The following DNAH1 variants were observed in gnomAD, a reference collection of about 807,000 sequenced individuals.
DNAH1 encodes axonemal beta dynein heavy chain 1.
A neutral mutation model predicts 484.3 loss-of-function variants in DNAH1; 327 were observed. That is an observed-to-expected ratio of 0.68 (90% CI 0.62 to 0.74). The LOEUF is 0.74. Ranked by LOEUF, DNAH1 falls within the 30% of genes least tolerant of loss-of-function variation. The pLI is 0.00. For missense variants in DNAH1, 5,052 were observed against 5,546.8 expected (o/e 0.91, Z 2.83); for synonymous variants, 2,192 against 2,191.9 (o/e 1.00, Z 0.00).
At chr3:52,319,198 C>T (rs1701055932) in intron 1 of DNAH1, among the ~76,000 whole-genome samples, 1 of 152,144 alleles carries the variant, frequency 6.6e-6, no homozygotes, top group Non-Finnish European at 1.5e-5. Flanking sequence ...GTTGGAATAC[C>T]CCTATTCATC....
At chr3:52,351,526 A>G (rs927719503) in intron 16 of DNAH1, among the ~76,000 whole-genome samples, 4 of 152,148 alleles carry the variant, frequency 2.6e-5, no homozygotes, top group Admixed American at 1.3e-4. Context: ...CAGACCCCCT[A>G]TGTCAGCTGG....
intron 8 of DNAH1, among the ~76,000 whole-genome samples, chr3:52,332,799 G>A (rs1206639391): frequency 1.1e-4 from 17 of 152,312 alleles, no homozygotes; most frequent in Admixed American, 1.1e-3. Flanking sequence ...GGCACAGCAA[G>A]AATTTCCAGG....
At position 52,370,527 on chromosome 3, in the gene DNAH1, C is replaced by T. The variant is rs374197928; in HGVS notation, c.6309C>T (p.Ile2103=). ...AGCTGAGTCGCATCGTAGAGTTGAT[C>T]GAGCCCTGGTTCATCTTCTCCCTGA... is the stretch of plus-strand genomic sequence containing the variant. ...SEKLSRIVEL[I]EPWFIFSLIW... is the part of the protein sequence containing the mutation. The change falls in exon 40 of 78, where the codon ATC becomes ATT. Residue 2103 remains isoleucine, a synonymous_variant. Transcript: ENST00000420323. The T allele has an allele frequency of 2.2e-5, 35 of 1,613,864 alleles. 1 individual carries two copies. The highest frequency in any genetic ancestry group is 1.7e-4 in the Admixed American group (10 of 60,002).
In DNAH1 at chr3:52,361,707, G is replaced by C. The variant is rs754476644; in HGVS notation, c.4921G>C (p.Glu1641Gln). The C allele has an allele frequency of 1.9e-6, 3 of 1,611,564 alleles. No homozygotes were observed. Among genetic ancestry groups the C allele is most frequent in the Non-Finnish European group, 2.5e-6 (3 of 1,179,050 alleles). The change falls in exon 30 of 78, where the codon GAG becomes CAG. Residue 1641 changes from glutamate to glutamine, a missense_variant. Coordinates refer to ENST00000420323, the MANE Select transcript of DNAH1 (RefSeq NM_015512.5). This position sits in a 1 kb window ranked among gnomAD's most constrained non-coding sequence, Gnocchi z 5.6. ...CFDEFNRIDIEVLSVVAQQIT... is the reference protein window; with the variant it reads ...CFDEFNRIDIQVLSVVAQQIT... ...CGACGAGTTCAATCGCATCGACATCGAGGTGCTGTCTGTGGTGGCGCAGCA... is the reference window on the plus strand; with the variant it reads ...CGACGAGTTCAATCGCATCGACATCCAGGTGCTGTCTGTGGTGGCGCAGCA...
chr3:52,377,533 G>A (rs907286774), intron 46 of DNAH1, among the ~76,000 whole-genome samples: 4 of 151,840 alleles, frequency 2.6e-5, no homozygotes, highest in East Asian at 3.9e-4. Context: ...CTCACCCATC[G>A]CATCCAGGCA....
chr3:52,371,927 G>C lies in DNAH1; in HGVS notation c.6526-19G>C. 1 of 1,611,846 alleles carries C rather than the reference G, an allele frequency of 6.2e-7. No homozygotes were observed. The highest frequency in any genetic ancestry group is 8.5e-7 in the Non-Finnish European group (1 of 1,179,036). On this transcript the variant is annotated intron_variant, in intron 41 of 77. Transcript: ENST00000420323. ...AGGGAGGGGTTCCAGGCCCACTGCTGAGCCACCTATGATTCCAGGTTGCCT... is the reference window on the plus strand; with the variant it reads ...AGGGAGGGGTTCCAGGCCCACTGCTCAGCCACCTATGATTCCAGGTTGCCT...
chr3:52,372,325 C>T lies in DNAH1; in HGVS notation c.6765C>T (p.Thr2255=). ...TGGATTACATCAGCCACTTCCTCAC[C>T]TTCTCAGCCCGCACTTCAGCCAACC... is the stretch of plus-strand genomic sequence containing the variant. ...LALDYISHFL[T]FSARTSANQT... Residue 2255 remains threonine, a synonymous_variant, in exon 43 of 78, where the codon ACC becomes ACT. Coordinates refer to ENST00000420323, the MANE Select transcript of DNAH1 (RefSeq NM_015512.5). 6.2e-7 allele frequency: 1 copy of T among 1,613,998 alleles called. No individual in the cohort carries two copies. The highest frequency in any genetic ancestry group is 8.5e-7 in the Non-Finnish European group (1 of 1,179,892).
chr3:52,397,728 A>G lies in DNAH1; in HGVS notation c.11809A>G (p.Ser3937Gly). The G allele has an allele frequency of 6.2e-7, 1 of 1,611,436 alleles. No individual in the cohort carries two copies. Among genetic ancestry groups the G allele is most frequent in the Non-Finnish European group, 8.5e-7 (1 of 1,178,492 alleles). Residue 3937 changes from serine (S) to glycine (G), a missense_variant, in exon 74 of 78, where the codon AGC (serine) becomes GGC (glycine). Physicochemically the swap from Ser to Gly is moderately conservative, Grantham distance 56. Transcript: ENST00000420323. ...DLHGYLSYIK[S>G]LPLNDMPEIF... ...CTAGGGCTACCTCTCCTACATCAAGAGCCTCCCACTCAATGATATGCCTGA... is the reference window on the plus strand; with the variant it reads ...CTAGGGCTACCTCTCCTACATCAAGGGCCTCCCACTCAATGATATGCCTGA...
chr3:52,349,891 T>G (rs1345053949), intron 14 of DNAH1, 98 bp from the exon 15 acceptor site: 1 of 1,480,712 alleles, frequency 6.8e-7, no homozygotes, highest in East Asian at 2.5e-5. Context: ...AGGGGACAGT[T>G]ACCTGTCGGG....
At chr3:52,356,936 G>A (rs1702633803) in intron 22 of DNAH1, among the ~76,000 whole-genome samples, 158 bp downstream of exon 22, 1 of 151,764 alleles carries the variant, frequency 6.6e-6, no homozygotes, top group Non-Finnish European at 1.5e-5. Context: ...GGGCTCCCCA[G>A]CCTCAGAGTT....
At chr3:52,373,200 C>G (rs184430520) in intron 44 of DNAH1, 147 bp downstream of exon 44, 6 of 1,066,018 alleles carry the variant, frequency 5.6e-6, no homozygotes, top group Non-Finnish European at 7.6e-6. Flanking sequence ...GGAGGGGGGC[C>G]GGCTGGGGGA....
At position 52,366,542 on chromosome 3, in the gene DNAH1, G is replaced by A; in HGVS notation, c.5604G>A (p.Lys1868=). ...TCGTCGGGCCCACAGGCTCCGGCAAGAGTACTGTAAGCAGAGCCAAGCTTG... is the reference window on the plus strand; with the variant it reads ...TCGTCGGGCCCACAGGCTCCGGCAAAAGTACTGTAAGCAGAGCCAAGCTTG... ...LMLVGPTGSG[K]STCYRVLAAA... The change falls in exon 35 of 78, where the codon AAG becomes AAA. Residue 1868 remains lysine, a synonymous_variant. Coordinates refer to ENST00000420323, the MANE Select transcript of DNAH1 (RefSeq NM_015512.5). The A allele has an allele frequency of 6.3e-7, 1 of 1,593,322 alleles. No individual in the cohort carries two copies. Among genetic ancestry groups the A allele is most frequent in the East Asian group, 2.3e-5 (1 of 43,438 alleles).
At chr3:52,351,130 G>A (rs573460885) in intron 16 of DNAH1, among the ~76,000 whole-genome samples, 2 of 152,316 alleles carry the variant, frequency 1.3e-5, no homozygotes, top group East Asian at 1.9e-4. Context: ...GATTATAGGC[G>A]TGAGCCACCG....
chr3:52,374,068 C>A, intron 44 of DNAH1: 1 of 1,028,726 alleles, frequency 9.7e-7, no homozygotes, highest in Non-Finnish European at 1.5e-6. Flanking sequence ...TTTTAAAGCT[C>A]TTTGACAGTG....
chr3:52,342,484 A>G (rs941793752), intron 8 of DNAH1, among the ~76,000 whole-genome samples: 6 of 152,246 alleles, frequency 3.9e-5, no homozygotes, highest in Non-Finnish European at 8.8e-5. Context: ...GCTGAGCAGC[A>G]CGGGAGAAAG....
intron 8 of DNAH1, among the ~76,000 whole-genome samples, chr3:52,336,514 A>T (rs981738937): frequency 1.3e-5 from 2 of 152,140 alleles, no homozygotes; most frequent in East Asian, 3.8e-4. Flanking sequence ...CACTGGTACC[A>T]CTGCACTCCA....
chr3:52,339,760 T>C (rs1431814617), intron 8 of DNAH1, among the ~76,000 whole-genome samples: 1 of 151,784 alleles, frequency 6.6e-6, no homozygotes, highest in Non-Finnish European at 1.5e-5. Flanking sequence ...TGCACATTAG[T>C]TTTTTTTGTT....
intron 8 of DNAH1, among the ~76,000 whole-genome samples, chr3:52,340,679 C>A (rs1701905426): frequency 6.6e-6 from 1 of 152,124 alleles, no homozygotes; most frequent in African/African-American, 2.4e-5. Flanking sequence ...AGGTGATCCA[C>A]CCACCTCGGC....
chr3:52,384,233 G>T (rs1271621114), intron 52 of DNAH1, among the ~76,000 whole-genome samples: 1 of 152,254 alleles, frequency 6.6e-6, no homozygotes, highest in Non-Finnish European at 1.5e-5. Flanking sequence ...CTAGGGTGCT[G>T]CGCACACAGC....
Sources: allele counts gnomAD v4.1 joint callset (sites outside exome capture counted in the v4.1 genomes callset), GRCh38; gene constraint gnomAD v4.1.1; non-coding constraint Gnocchi (gnomAD v3.1); transcripts MANE v1.5; gene names NCBI Gene and HGNC (gene_info 2026-07-23, HGNC 2026-07-21).